ATAD2: variants seen among roughly 807,000 people sequenced by gnomAD.
The protein encoded by ATAD2 is ATPase family AAA domain containing 2, also known as ATPase family AAA domain-containing protein 2.
ATAD2 carries 62 observed loss-of-function variants against 168.9 expected under a neutral mutation model. The observed-to-expected ratio is 0.37, with a 90% CI of 0.30 to 0.45. ATAD2 has a LOEUF of 0.45. Among genes scored for constraint, ATAD2 ranks in the 20% least tolerant of loss-of-function variants. The pLI, the probability that ATAD2 is intolerant of heterozygous loss-of-function variation, is 1.00. For missense variants in ATAD2, 1,419 were observed against 1,667.8 expected (o/e 0.85, Z 2.60); for synonymous variants, 613 against 571.6 (o/e 1.07, Z -1.03).
chr8:123,346,542 A>AT, intron 17 of ATAD2, 76 bp downstream of exon 17: 1 of 1,341,700 alleles, frequency 7.5e-7, no homozygotes, highest in Non-Finnish European at 9.9e-7. Flanking sequence ...AGCACTTTTT[A>AT]TTTTTTCAAC....
At chr8:123,413,224 G>GGCCCCC (rs1813187381) in intron 1 of ATAD2, among the ~76,000 whole-genome samples, 1 of 129,808 alleles carries the variant, frequency 7.7e-6, no homozygotes. Context: ...TCTAATGAGC[G>GGCCCCC]CCCCCCCCCC....
At chr8:123,339,128 T>G (rs1281130707) in intron 20 of ATAD2, among the ~76,000 whole-genome samples, 183 bp downstream of exon 20, 1 of 152,160 alleles carries the variant, frequency 6.6e-6, no homozygotes, top group Non-Finnish European at 1.5e-5. Context: ...TATGAAAGAC[T>G]TTGTGTACCT....
At chr8:123,414,017 T>G (rs1192443900) in intron 1 of ATAD2, among the ~76,000 whole-genome samples, 1 of 117,776 alleles carries the variant, frequency 8.5e-6, no homozygotes, top group East Asian at 2.7e-4. Context: ...GCTGGGGTGG[T>G]GGGGGCGGAG....
At chr8:123,401,593 GCC>G in intron 1 of ATAD2, 3 of 1,286,362 alleles carry the variant, frequency 2.3e-6, no homozygotes, top group South Asian at 1.2e-5. Flanking sequence ...GCATGTGGTT[GCC>G]CCCAGGGCAC....
rs200021152 is a variant in ATAD2 at position 123,371,282 on chromosome 8, C to T, written c.593G>A (p.Arg198Gln). The T allele has an allele frequency of 4.5e-5, 72 of 1,610,156 alleles. No homozygotes were observed. The highest frequency in any genetic ancestry group is 2.0e-4 in the East Asian group (9 of 44,586). ...TCCCAAGTCTTCAAGTTCTCTCATT[C>T]GCTGTCTACGCATCTTCTTCATGTC... is the stretch of plus-strand genomic sequence containing the variant. The part of the protein sequence containing the change: ...MDDMKKMRRQ[R>Q]MRELEDLGVF... The change falls in exon 5 of 28, where the codon CGA becomes CAA. Residue 198 changes from arginine to glutamine, a missense_variant. Arg to Gln is a conservative substitution (Grantham distance 43). Around this residue, in one of 5 missense-constraint regions of ATAD2, gnomAD observed 419 missense variants for 423.5 expected, o/e 0.99. Transcript: ENST00000287394.
At chr8:123,400,464 G>A (rs943237114), upstream of ATAD2, 11 of 367,482 alleles carry the variant, frequency 3.0e-5, no homozygotes, top group Non-Finnish European at 3.2e-5. The surrounding 1 kb of genome is among the most constrained non-coding windows in gnomAD (Gnocchi z 4.5). Context: ...GAGCCCAGCA[G>A]TTCCAAACCA....
At chr8:123,330,822 T>TA (rs1827757348) in intron 24 of ATAD2, among the ~76,000 whole-genome samples, 1 of 152,230 alleles carries the variant, frequency 6.6e-6, no homozygotes, top group African/African-American at 2.4e-5. Context: ...TGCATCCGGA[T>TA]AAAAGCTGCA....
chr8:123,347,284 T>C lies in ATAD2; in HGVS notation c.2020A>G (p.Ile674Val). The C allele has an allele frequency of 1.9e-6, 3 of 1,614,104 alleles. No individual in the cohort carries two copies. The highest frequency in any genetic ancestry group is 1.1e-5 in the South Asian group (1 of 91,084). Residue 674 changes from isoleucine (I) to valine (V), a missense_variant, in exon 16 of 28, where the codon ATC becomes GTC. Ile to Val is a conservative substitution (Grantham distance 29). Coordinates refer to ENST00000287394, the MANE Select transcript of ATAD2 (RefSeq NM_014109.4). Reference sequence around the variant, plus strand: ...GCTACCTCGAAATCCTTAGCTGAGATATTAATTGAAGAGAGATCCAACTGC... The same window carrying C: ...GCTACCTCGAAATCCTTAGCTGAGACATTAATTGAAGAGAGATCCAACTGC... Reference protein sequence around the residue: ...KLQLDLSSINISAKDFEVAMQ... With the variant: ...KLQLDLSSINVSAKDFEVAMQ...
chr8:123,338,666 G>A (rs574649542), intron 20 of ATAD2, among the ~76,000 whole-genome samples: 92 of 152,264 alleles, frequency 6.0e-4, no homozygotes, highest in African/African-American at 2.1e-3. Flanking sequence ...GGGTCATAAA[G>A]GCAGAAGCAA....
intron 4 of ATAD2, 26 bp downstream of exon 4, chr8:123,371,644 T>C (rs762626848): frequency 6.3e-6 from 10 of 1,577,038 alleles, no homozygotes; most frequent in Non-Finnish European, 8.6e-6. Context: ...AGATAAATCA[T>C]CTTGATCTAA....
chr8:123,328,199 C>G lies in ATAD2; in HGVS notation c.3859G>C (p.Glu1287Gln). The G allele has an allele frequency of 1.5e-6, 2 of 1,372,774 alleles. No homozygotes were observed. Among genetic ancestry groups the G allele is most frequent in the Non-Finnish European group, 1.9e-6 (2 of 1,057,782 alleles). 85.0% of individuals were successfully genotyped at this position (1,372,774 alleles called of 1,614,324 possible). A position where few individuals can be genotyped will look rare whatever the true frequency, so the allele number is the denominator to read the frequency against. ...SQIIHISDEN[E>Q]GKEMCVLRMT... ...ATTGAAAAAGACGTACCTTTTCCTT[C>G]ATTTTCATCAGAAATATGTATTATC... The change falls in exon 25 of 28, where the codon GAA becomes CAA. Residue 1287 changes from glutamate (E) to glutamine (Q), a missense_variant. Glu to Gln is a conservative substitution (Grantham distance 29, BLOSUM62 2). Around this residue, in one of 5 missense-constraint regions of ATAD2, gnomAD observed 303 missense variants for 304.3 expected, o/e 1.00. Coordinates refer to ENST00000287394, the MANE Select transcript of ATAD2 (RefSeq NM_014109.4).
chr8:123,372,355 G>GA (rs762422413), intron 3 of ATAD2, among the ~76,000 whole-genome samples: 2 of 152,142 alleles, frequency 1.3e-5, no homozygotes, highest in Non-Finnish European at 2.9e-5. Context: ...ATGTTCCAAT[G>GA]AAATTATTTG....
Position 123,347,273 on chromosome 8 carries a change from C to T in ATAD2, c.2031G>A (p.Lys677=). 6.2e-7 allele frequency: 1 copy of T among 1,614,084 alleles called. No individual in the cohort carries two copies. Among genetic ancestry groups the T allele is most frequent in the Non-Finnish European group, 8.5e-7 (1 of 1,180,026 alleles). ...TCTTTTGCATAGCTACCTCGAAATC[C>T]TTAGCTGAGATATTAATTGAAGAGA... ...LDLSSINISA[K]DFEVAMQKMI... Residue 677 remains lysine (K), a synonymous_variant, in exon 16 of 28, where the codon AAG becomes AAA. Transcript: ENST00000287394.
intron 1 of ATAD2, among the ~76,000 whole-genome samples, chr8:123,394,419 C>T (rs965897430): frequency 2.0e-5 from 3 of 152,026 alleles, no homozygotes; most frequent in Non-Finnish European, 4.4e-5. Flanking sequence ...CACCTGAGGT[C>T]GGAGTTCGAG....
At position 123,337,809 on chromosome 8, in the gene ATAD2, A is replaced by C; in HGVS notation, c.2867T>G (p.Leu956Trp). 1 of 1,596,606 alleles carries C rather than the reference A, an allele frequency of 6.3e-7. No homozygotes were observed. The change falls in exon 21 of 28, where the codon TTG (leucine) becomes TGG (tryptophan). Residue 956 changes from leucine (L) to tryptophan (W), a missense_variant. Coordinates refer to ENST00000287394, the MANE Select transcript of ATAD2 (RefSeq NM_014109.4). Reference protein sequence around the residue: ...ISKKKAVLQALEVLPVAPPPE... With the variant: ...ISKKKAVLQAWEVLPVAPPPE... ...TGGTGGTGCTACTGGGAGTACCTCC[A>C]AAGCCTGCAAAACTTCACATGAATG...
At chr8:123,389,634 C>G (rs568307417) in intron 1 of ATAD2, among the ~76,000 whole-genome samples, 1 of 150,460 alleles carries the variant, frequency 6.6e-6, no homozygotes, top group African/African-American at 2.5e-5. Flanking sequence ...AGCAAGGCTC[C>G]GTCTCAAAAA....
intron 24 of ATAD2, 64 bp downstream of exon 24, chr8:123,333,814 A>T: frequency 6.8e-7 from 1 of 1,468,698 alleles, no homozygotes; most frequent in Non-Finnish European, 9.1e-7. Flanking sequence ...TAAGGGAGAA[A>T]GTTAATGGCA....
rs554059163 is a variant in ATAD2, at chr8:123,334,088, A to G, written c.3335-67T>C. The G allele has an allele frequency of 1.1e-5, 18 of 1,572,612 alleles. No homozygotes were observed. The South Asian group carries it at 1.9e-4, about 16-fold the overall frequency. On this transcript the variant is annotated intron_variant, in intron 23 of 27. Transcript: ENST00000287394. ...TTCAAAATTACATGAAGGATTAACT[A>G]AAAGTACAAAATACATCTGAAGCAT... is the stretch of plus-strand genomic sequence containing the variant.
At chr8:123,389,315 G>A (rs1159804151) in intron 1 of ATAD2, among the ~76,000 whole-genome samples, 1 of 148,918 alleles carries the variant, frequency 6.7e-6, no homozygotes, top group East Asian at 2.0e-4. Flanking sequence ...AGGACAAGCA[G>A]TCCCAACCTC....
Sources: allele counts gnomAD v4.1 joint callset (sites outside exome capture counted in the v4.1 genomes callset), GRCh38; gene constraint gnomAD v4.1.1; regional missense constraint gnomAD v4.1.1; non-coding constraint Gnocchi (gnomAD v3.1); transcripts MANE v1.5; gene names NCBI Gene and HGNC (gene_info 2026-07-23, HGNC 2026-07-21).